The following ZNF727 variants were observed in gnomAD, a reference collection of about 807,000 sequenced individuals.
ZNF727 encodes putative zinc finger protein 727.
In ZNF727, 11 loss-of-function variants were observed where a neutral mutation model predicts 11.5. The ratio of observed to expected loss-of-function variants is 0.95; its 90% confidence interval spans 0.60 to 1.58. The LOEUF (loss-of-function observed/expected upper bound fraction) is 1.58, where lower values mean the gene tolerates loss of function less well. Among genes scored for constraint, ZNF727 ranks in the 40% most tolerant of loss-of-function variants. The probability of loss-of-function intolerance (pLI) is 0.00; values close to 1 mark genes in which losing one functional copy is unlikely to be tolerated. For synonymous variants in ZNF727, 171 were observed against 196.1 expected, an observed-to-expected ratio of 0.87 and a Z score of 1.07; for missense variants, 533 against 581.7, an observed-to-expected ratio of 0.92 and a Z score of 0.86.
In ZNF727 at chr7:64,054,881, C is replaced by T. The variant is rs1789658497; in HGVS notation, c.3+9257C>T. Among the ~76,000 whole-genome samples, 3 of 152,132 alleles carry T rather than the reference C, an allele frequency of 2.0e-5. No individual in the cohort carries two copies. In the South Asian group the frequency reaches 6.2e-4, roughly 32 times the overall value. ...TAAAATTGTGTTAAAATTGATGTCT[C>T]TAGGATGTTACAAAAATTTTTAGGT... On this transcript the variant is annotated intron_variant, in intron 1 of 3. Coordinates refer to ENST00000456806, the MANE Select transcript of ZNF727 (RefSeq NM_001159522.3).
intron 3 of ZNF727, among the ~76,000 whole-genome samples, chr7:64,075,592 C>G (rs1363525893): frequency 1.3e-5 from 2 of 152,034 alleles, no homozygotes; most frequent in Admixed American, 6.6e-5. Flanking sequence ...AACACTGATG[C>G]AGCTGAAAGC....
At chr7:64,076,085 A>G (rs551182023) in intron 3 of ZNF727, among the ~76,000 whole-genome samples, 1 of 151,748 alleles carries the variant, frequency 6.6e-6, no homozygotes, top group South Asian at 2.1e-4. Flanking sequence ...TCATTAATTA[A>G]TTGTGCTTTT....
chr7:64,063,185 G>A (rs1278788210), intron 1 of ZNF727, among the ~76,000 whole-genome samples: 1 of 152,098 alleles, frequency 6.6e-6, no homozygotes, highest in East Asian at 1.9e-4. Context: ...GTTCATTGAT[G>A]TCTGGGCATT....
At chr7:64,050,434 A>C (rs1435931882) in intron 1 of ZNF727, among the ~76,000 whole-genome samples, 1 of 152,176 alleles carries the variant, frequency 6.6e-6, no homozygotes, top group Non-Finnish European at 1.5e-5. Context: ...AAGAAGGAGA[A>C]GCCTGTGGCG....
rs1287067871 is a variant in ZNF727, at chr7:64,083,968, T to C, written c.*5419T>C. ...TTCAAAGGCAAATATTGATGTAATT[T>C]AACTCTTACATTTGATGCTATGTCT... is the stretch of plus-strand genomic sequence containing the variant. On this transcript the variant is annotated 3_prime_UTR_variant, in exon 4 of 4. Transcript: ENST00000456806. 6.6e-6 allele frequency among the ~76,000 whole-genome samples: 1 copy of C among 152,238 alleles called. No individual in the cohort carries two copies. The highest frequency in any genetic ancestry group is 6.5e-5 in the Admixed American group (1 of 15,284).
At chr7:64,063,568 A>G (rs1303891167) in intron 1 of ZNF727, among the ~76,000 whole-genome samples, 1 of 151,762 alleles carries the variant, frequency 6.6e-6, no homozygotes, top group African/African-American at 2.4e-5. Flanking sequence ...GACTACACTA[A>G]GTCAGACCCA....
intron 3 of ZNF727, among the ~76,000 whole-genome samples, chr7:64,071,601 C>G (rs967316508): frequency 2.0e-5 from 3 of 151,792 alleles, no homozygotes; most frequent in Non-Finnish European, 4.4e-5. Flanking sequence ...TAGTTTGATG[C>G]AGTTTAATTT....
rs1490438633 is a variant in ZNF727 at position 64,078,252 on chromosome 7, T to C, written c.1203T>C (p.Cys401=). Residue 401 remains cysteine (C), a synonymous_variant, in exon 4 of 4, where the codon TGT becomes TGC. Coordinates refer to ENST00000456806, the MANE Select transcript of ZNF727 (RefSeq NM_001159522.3). ...TGEKPYKCEE[C]GKSFTCSSNL... ...AGAAACCCTACAAATGTGAAGAATGTGGCAAAAGCTTTACCTGCTCCTCAA... is the reference window on the plus strand; with the variant it reads ...AGAAACCCTACAAATGTGAAGAATGCGGCAAAAGCTTTACCTGCTCCTCAA... The C allele has an allele frequency of 6.2e-7, 1 of 1,605,032 alleles. No homozygotes were observed. Among genetic ancestry groups the C allele is most frequent in the Non-Finnish European group, 8.5e-7 (1 of 1,175,616 alleles).
intron 1 of ZNF727, among the ~76,000 whole-genome samples, chr7:64,052,127 C>T (rs1789608309): frequency 1.3e-5 from 2 of 152,162 alleles, no homozygotes; most frequent in African/African-American, 2.4e-5. Context: ...TGTACCAGGT[C>T]TAAGTGTGCT....
chr7:64,053,435 C>T (rs957730988), intron 1 of ZNF727, among the ~76,000 whole-genome samples: 11 of 152,278 alleles, frequency 7.2e-5, no homozygotes, highest in Non-Finnish European at 1.3e-4. Context: ...ATTCTCCTGC[C>T]TCAGCCTCCT....
intron 1 of ZNF727, among the ~76,000 whole-genome samples, chr7:64,068,610 G>A (rs1235705837): frequency 6.6e-6 from 1 of 152,098 alleles, no homozygotes; most frequent in Non-Finnish European, 1.5e-5. Context: ...CTTGTATTAT[G>A]TAAATATAGC....
At chr7:64,046,129 C>T (rs1390733945) in intron 1 of ZNF727, among the ~76,000 whole-genome samples, 1 of 152,164 alleles carries the variant, frequency 6.6e-6, no homozygotes, top group African/African-American at 2.4e-5. Flanking sequence ...GATCCTCCCA[C>T]CCCAGCTCCC....
chr7:64,055,119 C>A, intron 1 of ZNF727, among the ~76,000 whole-genome samples: 1 of 151,428 alleles, frequency 6.6e-6, no homozygotes, highest in South Asian at 2.1e-4. Flanking sequence ...TATTTTAATC[C>A]ATTATTAAGT....
intron 1 of ZNF727, among the ~76,000 whole-genome samples, chr7:64,066,801 T>C (rs1006246308): frequency 4.6e-5 from 7 of 152,088 alleles, no homozygotes; most frequent in Non-Finnish European, 7.4e-5. Flanking sequence ...AATTGACAAA[T>C]GCGATCTAAT....
In ZNF727 at chr7:64,081,247, G is replaced by GT. The variant is rs534567996; in HGVS notation, c.*2702dup. 6.6e-6 allele frequency among the ~76,000 whole-genome samples: 1 copy of GT among 152,104 alleles called. No homozygotes were observed. Among genetic ancestry groups the GT allele is most frequent in the Non-Finnish European group, 1.5e-5 (1 of 68,012 alleles). ...TGGGGCAGGATACTGGCCAGTAAAG[G>GT]TTTTGATGCCTTCTCTGTGCCCCCC... On this transcript the variant is annotated 3_prime_UTR_variant, in exon 4 of 4. Transcript: ENST00000456806.
rs542644664 is a variant in ZNF727 at position 64,083,069 on chromosome 7, A to T, written c.*4520A>T. On this transcript the variant is annotated 3_prime_UTR_variant, in exon 4 of 4. Transcript: ENST00000456806. ...AGGAGCTGTATCCCAAAGAGGATTC[A>T]AAACTCCACTGATCAAAGAGCACCT... 6.8e-4 allele frequency among the ~76,000 whole-genome samples: 103 copies of T among 152,342 alleles called. No homozygotes were observed. The highest frequency in any genetic ancestry group is 2.4e-3 in the African/African-American group (101 of 41,580).
chr7:64,062,823 C>T (rs1244595356), intron 1 of ZNF727, among the ~76,000 whole-genome samples: 1 of 149,842 alleles, frequency 6.7e-6, no homozygotes, highest in Admixed American at 6.7e-5. Context: ...TCTCATCTGA[C>T]TGTATCTTTT....
intron 2 of ZNF727, among the ~76,000 whole-genome samples, chr7:64,069,300 A>G (rs936357419): frequency 2.0e-5 from 3 of 152,062 alleles, no homozygotes; most frequent in South Asian, 4.1e-4. Context: ...TGCAATTTTC[A>G]CAACTGATTT....
chr7:64,066,536 A>C (rs1442518516), intron 1 of ZNF727, among the ~76,000 whole-genome samples: 1 of 152,200 alleles, frequency 6.6e-6, no homozygotes, highest in Non-Finnish European at 1.5e-5. Flanking sequence ...AACCTGACAA[A>C]AACAAGCAAT....
Sources: gnomAD v4.1 joint callset for allele counts (sites outside exome capture counted in the v4.1 genomes callset) on GRCh38, gnomAD v4.1.1 for gene constraint, MANE v1.5 for transcripts, NCBI Gene and HGNC (gene_info 2026-07-23, HGNC 2026-07-21) for gene names.